The following ARCN1 variants were observed in gnomAD, a reference collection of about 807,000 sequenced individuals.
ARCN1 encodes coatomer subunit delta.
A neutral mutation model predicts 60.4 loss-of-function variants in ARCN1; 5 were observed. That is an observed-to-expected ratio of 0.08 (90% confidence interval 0.04 to 0.17). The LOEUF (loss-of-function observed/expected upper bound fraction) is 0.17. Ranked by LOEUF, ARCN1 falls within the 10% of genes least tolerant of loss-of-function variation. The pLI is 1.00. For synonymous variants in ARCN1, 224 were observed against 220.0 expected (o/e 1.02, Z -0.16); for missense variants, 464 against 626.5 (o/e 0.74, Z 2.77).
intron 5 of ARCN1, among the ~76,000 whole-genome samples, chr11:118,585,073 G>A (rs947031579): frequency 2.6e-5 from 4 of 152,100 alleles, no homozygotes; most frequent in African/African-American, 9.7e-5. Flanking sequence ...TGATCCGCCT[G>A]ACTCAGCCTC....
Position 118,592,800 on chromosome 11 carries a change from T to C in ARCN1, c.1076T>C (p.Val359Ala). The C allele has an allele frequency of 6.2e-7, 1 of 1,614,114 alleles. No individual in the cohort carries two copies. Among genetic ancestry groups the C allele is most frequent in the Non-Finnish European group, 8.5e-7 (1 of 1,179,990 alleles). Residue 359 changes from valine (V) to alanine (A), a missense_variant, in exon 7 of 10, where the codon GTA (valine) becomes GCA (alanine). Val to Ala is a moderately conservative substitution (Grantham distance 64, BLOSUM62 0). Coordinates refer to ENST00000264028, the MANE Select transcript of ARCN1 (RefSeq NM_001655.5). The part of the protein sequence containing the change: ...PEKSFPVNSD[V>A]GVLKWRLQTT... Reference sequence around the variant, plus strand: ...AAGTCATTTCCAGTCAACAGTGACGTAGGGGTGCTAAAGTGGAGACTACAA... The same window carrying C: ...AAGTCATTTCCAGTCAACAGTGACGCAGGGGTGCTAAAGTGGAGACTACAA...
intron 1 of ARCN1, among the ~76,000 whole-genome samples, chr11:118,573,445 CAG>C (rs1283744630): frequency 6.6e-6 from 1 of 152,130 alleles, no homozygotes; most frequent in Non-Finnish European, 1.5e-5. Context: ...TGGAGGAAAT[CAG>C]AACTGCTGAC....
chr11:118,590,413 G>A lies in ARCN1; in HGVS notation c.891G>A (p.Leu297=), dbSNP rs1555076114. 2 of 1,614,184 alleles carry A rather than the reference G, an allele frequency of 1.2e-6. No individual in the cohort carries two copies. The highest frequency in any genetic ancestry group is 1.7e-5 in the Admixed American group (1 of 60,028). ...ACGGAGGATTACAGAATATGGAGTTGCATGGCATGATCATGCTTAGGATCT... is the reference window on the plus strand; with the variant it reads ...ACGGAGGATTACAGAATATGGAGTTACATGGCATGATCATGCTTAGGATCT... The part of the protein sequence containing the change: ...GRDGGLQNME[L]HGMIMLRISD... Residue 297 remains leucine, a synonymous_variant, in exon 6 of 10, where the codon TTG becomes TTA. Transcript: ENST00000264028.
intron 6 of ARCN1, 83 bp from the exon 7 acceptor site, chr11:118,592,626 A>G: frequency 9.4e-7 from 1 of 1,066,192 alleles, no homozygotes; most frequent in Non-Finnish European, 1.3e-6. Flanking sequence ...TTGGATGTTT[A>G]GATTGTGGGC....
intron 2 of ARCN1, among the ~76,000 whole-genome samples, chr11:118,582,022 G>C (rs1242893564): frequency 6.7e-6 from 1 of 149,534 alleles, no homozygotes; most frequent in African/African-American, 2.6e-5. Flanking sequence ...GGCCAGGTGC[G>C]GTAGCATGTG....
chr11:118,585,101 C>G (rs531915190), intron 5 of ARCN1, among the ~76,000 whole-genome samples: 1 of 152,218 alleles, frequency 6.6e-6, no homozygotes, highest in African/African-American at 2.4e-5. Context: ...GCTGGGATTA[C>G]AGGCGTGAGC....
intron 7 of ARCN1, 131 bp downstream of exon 7, chr11:118,592,987 C>A: frequency 1.2e-6 from 1 of 863,038 alleles, no homozygotes; most frequent in Non-Finnish European, 1.7e-6. Flanking sequence ...TTGAAATGGA[C>A]CTGGTGCTGC....
At chr11:118,580,538 A>G (rs1265088705) in intron 1 of ARCN1, among the ~76,000 whole-genome samples, 2 of 152,160 alleles carry the variant, frequency 1.3e-5, no homozygotes, top group Non-Finnish European at 2.9e-5. Context: ...TTAAAAATAT[A>G]TAAGTATTCC....
intron 1 of ARCN1, among the ~76,000 whole-genome samples, chr11:118,578,870 CTCTCTTTTTTT>C (rs1257539505): frequency 2.3e-5 from 2 of 86,962 alleles, no homozygotes; most frequent in Non-Finnish European, 2.1e-5. Context: ...AAAACCCCGT[CTCTCTTTTTTT>C]TTTTTTTTTT....
rs1433360252 is a variant in ARCN1 at position 118,601,716 on chromosome 11, C to G, written c.*1002C>G. ...AAGTTGTTTTCCTTTCAGGGCCTGTCCTTCCAGTTTAGAACAGTACCATGA... is the reference window on the plus strand; with the variant it reads ...AAGTTGTTTTCCTTTCAGGGCCTGTGCTTCCAGTTTAGAACAGTACCATGA... On this transcript the variant is annotated 3_prime_UTR_variant, in exon 10 of 10. Coordinates refer to ENST00000264028, the MANE Select transcript of ARCN1 (RefSeq NM_001655.5). The G allele has an allele frequency of 4.7e-5, 33 of 702,864 alleles. No individual in the cohort carries two copies. Among genetic ancestry groups the G allele is most frequent in the Non-Finnish European group, 8.3e-5 (32 of 385,000 alleles). 43.5% of individuals were successfully genotyped at this position (702,864 alleles called of 1,614,324 possible).
chr11:118,587,422 G>A (rs1407738314), intron 5 of ARCN1, among the ~76,000 whole-genome samples: 46 of 152,140 alleles, frequency 3.0e-4, no homozygotes, highest in Admixed American at 2.7e-3. Flanking sequence ...AACTAGACAC[G>A]TCTTCCAATT....
chr11:118,576,166 T>A (rs958019815), intron 1 of ARCN1, among the ~76,000 whole-genome samples: 3 of 152,088 alleles, frequency 2.0e-5, no homozygotes, highest in Admixed American at 2.0e-4. Context: ...CCAGGTTTTT[T>A]TACTTGAGGC....
intron 1 of ARCN1, among the ~76,000 whole-genome samples, chr11:118,580,443 A>G (rs143449973): frequency 4.2e-4 from 64 of 152,320 alleles, no homozygotes; most frequent in African/African-American, 1.4e-3. Flanking sequence ...ATCCCAGACA[A>G]TTATTTTAGT....
chr11:118,583,428 CTA>C, intron 3 of ARCN1, 70 bp downstream of exon 3: 1 of 1,461,410 alleles, frequency 6.8e-7, no homozygotes, highest in Non-Finnish European at 9.1e-7. Context: ...TCTCATTTTC[CTA>C]TTTTTACTTA....
chr11:118,584,895 G>A (rs782732423), intron 5 of ARCN1, among the ~76,000 whole-genome samples: 2 of 150,774 alleles, frequency 1.3e-5, no homozygotes, highest in East Asian at 2.0e-4. Flanking sequence ...GTGTGATCTC[G>A]GCTCGCTGCA....
chr11:118,572,626 G>A (rs1401992234), intron 1 of ARCN1, 76 bp downstream of exon 1: 10 of 1,559,344 alleles, frequency 6.4e-6, no homozygotes, highest in Non-Finnish European at 8.7e-6. Context: ...CCTGGGGCAG[G>A]GGCCGGAGGA....
intron 1 of ARCN1, among the ~76,000 whole-genome samples, chr11:118,578,683 A>G (rs549416035): frequency 1.2e-3 from 181 of 152,148 alleles, no homozygotes; most frequent in African/African-American, 4.2e-3. Context: ...CTGAAACTGT[A>G]TGTAAAATTT....
chr11:118,593,509 C>A, intron 7 of ARCN1, 81 bp from the exon 8 acceptor site: 1 of 935,430 alleles, frequency 1.1e-6, no homozygotes, highest in Non-Finnish European at 1.7e-6. Flanking sequence ...TCCTCTAAAG[C>A]GCTGGGGTTA....
chr11:118,583,383 A>G (rs1555074959), intron 3 of ARCN1, 25 bp downstream of exon 3: 3 of 1,580,666 alleles, frequency 1.9e-6, no homozygotes, highest in Non-Finnish European at 1.7e-6. Context: ...CTCTGGGACT[A>G]CCTGTTTGTA....
Sources: allele counts gnomAD v4.1 joint callset (sites outside exome capture counted in the v4.1 genomes callset), GRCh38; gene constraint gnomAD v4.1.1; transcripts MANE v1.5; gene names NCBI Gene and HGNC (gene_info 2026-07-23, HGNC 2026-07-21).